Variants in CDH11 observed in about 807,000 individuals in gnomAD.
The protein encoded by CDH11 is cadherin-11.
CDH11 carries 11 observed loss-of-function variants against 67.8 expected under a neutral mutation model. The ratio of observed to expected loss-of-function variants is 0.16; its 90% CI spans 0.10 to 0.27. CDH11 has a LOEUF of 0.27. CDH11 is among the 10% of genes least tolerant of loss of function. The pLI is 1.00. For missense variants in CDH11, 847 were observed against 1,031.2 expected, an observed-to-expected ratio of 0.82 and a Z score of 2.45; for synonymous variants, 419 against 400.0, an observed-to-expected ratio of 1.05 and a Z score of -0.57.
upstream of CDH11, among the ~76,000 whole-genome samples, chr16:65,122,876 A>T (rs2075358408): frequency 6.6e-6 from 1 of 152,164 alleles, no homozygotes; most frequent in Admixed American, 6.5e-5. Flanking sequence ...TACCCCAGCC[A>T]GGTATCAGTG....
intron 2 of CDH11, among the ~76,000 whole-genome samples, chr16:65,010,326 A>G (rs185487142): frequency 3.3e-5 from 5 of 152,278 alleles, no homozygotes; most frequent in African/African-American, 9.6e-5. Flanking sequence ...TAATTCAAGC[A>G]TATTTTATTC....
At chr16:64,949,785 C>T (rs986505824) in intron 12 of CDH11, among the ~76,000 whole-genome samples, 9 of 152,148 alleles carry the variant, frequency 5.9e-5, no homozygotes, top group African/African-American at 1.7e-4. Flanking sequence ...CCTATTACAG[C>T]ACCCACCGTG....
At chr16:65,116,472 A>C (rs2075247461) in intron 1 of CDH11, among the ~76,000 whole-genome samples, 2 of 152,210 alleles carry the variant, frequency 1.3e-5, no homozygotes, top group African/African-American at 4.8e-5. Flanking sequence ...GTGGAGAGCT[A>C]ACTTTAATTT....
chr16:64,966,587 C>T (rs556343266), intron 11 of CDH11, among the ~76,000 whole-genome samples: 18 of 151,836 alleles, frequency 1.2e-4, no homozygotes, highest in African/African-American at 4.1e-4. Context: ...TAAAGATACC[C>T]TTACAAAGCA....
At chr16:64,953,942 G>A (rs1206387881) in intron 11 of CDH11, among the ~76,000 whole-genome samples, 1 of 152,144 alleles carries the variant, frequency 6.6e-6, no homozygotes, top group Non-Finnish European at 1.5e-5. Context: ...ATGGCTGGAG[G>A]GTATGGGAAC....
At chr16:65,001,494 C>T (rs567009342) in intron 3 of CDH11, among the ~76,000 whole-genome samples, 74 of 152,164 alleles carry the variant, frequency 4.9e-4, no homozygotes, top group Admixed American at 9.2e-4. Flanking sequence ...CAAGGACATA[C>T]GAATGAGGAA....
At chr16:64,968,934 G>A (rs528175203) in intron 11 of CDH11, among the ~76,000 whole-genome samples, 48 of 152,300 alleles carry the variant, frequency 3.2e-4, no homozygotes, top group Admixed American at 1.4e-3. Flanking sequence ...TTATAGGACT[G>A]TATTTGCTTT....
intron 2 of CDH11, among the ~76,000 whole-genome samples, chr16:65,023,847 T>C (rs1260089574): frequency 6.6e-6 from 1 of 152,102 alleles, no homozygotes; most frequent in Admixed American, 6.5e-5. Context: ...TTTTGATGGG[T>C]TTTGGCCAGC....
chr16:65,080,086 G>A (rs141490781), intron 1 of CDH11, among the ~76,000 whole-genome samples: 1,808 of 152,046 alleles, frequency 0.012, 26 homozygotes, highest in Middle Eastern at 0.037. Flanking sequence ...ATGCAATTGA[G>A]ATTTTTCTTC....
At position 65,068,847 on chromosome 16, in the gene CDH11, T is replaced by A. The variant is rs529838700; in HGVS notation, c.-297-14919A>T. On this transcript the variant is annotated intron_variant, in intron 1 of 12. Transcript: ENST00000268603. ...AAATAAGAAAAATGCTCTGAGCAAT[T>A]AAGAAAGATGCTTGCTTTCAATGTC... Among the ~76,000 whole-genome samples, 3 of 152,320 alleles carry A rather than the reference T, an allele frequency of 2.0e-5. No individual in the cohort carries two copies. In the East Asian group the frequency reaches 5.8e-4, roughly 29 times the overall value.
At chr16:65,043,624 C>T (rs1472799947) in intron 2 of CDH11, among the ~76,000 whole-genome samples, 4 of 152,170 alleles carry the variant, frequency 2.6e-5, no homozygotes, top group Non-Finnish European at 4.4e-5. Context: ...CAAGAGCATT[C>T]CCAGTAGCTG....
intron 1 of CDH11, among the ~76,000 whole-genome samples, chr16:65,120,029 C>G (rs937343958): frequency 1.3e-5 from 2 of 152,142 alleles, no homozygotes; most frequent in Non-Finnish European, 2.9e-5. Flanking sequence ...CAGAGTGCTT[C>G]TCGTATTGGC....
chr16:64,948,415 T>A, intron 12 of CDH11: 2 of 613,592 alleles, frequency 3.3e-6, no homozygotes, highest in South Asian at 2.1e-5. Context: ...ATTCTAAATA[T>A]GTTGGTCTGT....
intron 1 of CDH11, among the ~76,000 whole-genome samples, chr16:65,071,207 A>G (rs1814489379): frequency 6.6e-6 from 1 of 152,232 alleles, no homozygotes; most frequent in African/African-American, 2.4e-5. Context: ...AGGTCAAGGC[A>G]GGGAAACCAG....
chr16:64,992,953 A>T lies in CDH11; in HGVS notation c.605T>A (p.Leu202His). Residue 202 changes from leucine to histidine, a missense_variant, in exon 5 of 13, where the codon CTC becomes CAC. Coordinates refer to ENST00000268603, the MANE Select transcript of CDH11 (RefSeq NM_001797.4). Reference protein sequence around the residue: ...GNSAKLVYSILEGQPYFSVEA... With the variant: ...GNSAKLVYSIHEGQPYFSVEA... ...CACCGAAAAATAGGGTTGTCCTTCG[A>T]GGATACTGTACACTAACTTGGCGCT... The T allele has an allele frequency of 6.2e-7, 1 of 1,612,972 alleles. No individual in the cohort carries two copies. The highest frequency in any genetic ancestry group is 1.3e-5 in the African/African-American group (1 of 75,004).
rs554244290 is a variant in CDH11, at chr16:65,121,640, A to G, written c.-298+240T>C. 2.5e-4 allele frequency among the ~76,000 whole-genome samples: 38 copies of G among 152,282 alleles called. No individual in the cohort carries two copies. The highest frequency in any genetic ancestry group is 7.2e-4 in the African/African-American group (30 of 41,568). ...AGCCAGGGAGAGTCGTGGAGCGCAC[A>G]TCTGAAGCCTCCGTCCCCTGCTTTG... On this transcript the variant is annotated intron_variant, in intron 1 of 12. Coordinates refer to ENST00000268603, the MANE Select transcript of CDH11 (RefSeq NM_001797.4). This position sits in a 1 kb window ranked among gnomAD's most constrained non-coding sequence, Gnocchi z 4.1.
chr16:64,967,503 A>T (rs2071871362), intron 11 of CDH11, among the ~76,000 whole-genome samples: 1 of 152,192 alleles, frequency 6.6e-6, no homozygotes. Flanking sequence ...AATTTATCCT[A>T]AAAGAATAAT....
intron 2 of CDH11, among the ~76,000 whole-genome samples, chr16:65,020,108 G>A (rs995821403): frequency 1.3e-5 from 2 of 152,190 alleles, no homozygotes; most frequent in Non-Finnish European, 2.9e-5. Flanking sequence ...TCAGATAGAA[G>A]TACAAATAAG....
intron 2 of CDH11, among the ~76,000 whole-genome samples, chr16:65,026,930 T>C (rs1014282224): frequency 5.3e-5 from 8 of 152,098 alleles, no homozygotes; most frequent in African/African-American, 1.9e-4. Context: ...ACGATAAATA[T>C]CTTCTAATAA....
Sources: allele counts gnomAD v4.1 joint callset (sites outside exome capture counted in the v4.1 genomes callset), GRCh38; gene constraint gnomAD v4.1.1; non-coding constraint Gnocchi (gnomAD v3.1); transcripts MANE v1.5; gene names NCBI Gene and HGNC (gene_info 2026-07-23, HGNC 2026-07-21).